AUTS2: variants seen among roughly 807,000 people sequenced by gnomAD.
AUTS2 encodes the protein activator of transcription and developmental regulator AUTS2.
In AUTS2, 17 loss-of-function variants were observed where a neutral mutation model predicts 112.4. That is an observed-to-expected ratio of 0.15 (90% CI 0.10 to 0.23). The LOEUF is 0.23. AUTS2 is among the 10% of genes least tolerant of loss of function. The pLI, the probability that AUTS2 is intolerant of heterozygous loss-of-function variation, is 1.00. For synonymous variants in AUTS2, 751 were observed against 702.7 expected, an observed-to-expected ratio of 1.07 and a Z score of -1.09; for missense variants, 1,510 against 1,701.6, an observed-to-expected ratio of 0.89 and a Z score of 1.98.
chr7:70,082,664 C>T (rs1325568887), intron 2 of AUTS2, among the ~76,000 whole-genome samples: 2 of 152,194 alleles, frequency 1.3e-5, no homozygotes, highest in African/African-American at 4.8e-5. Context: ...AATATCTCCT[C>T]GCCTTTTATG....
At chr7:69,825,035 T>TA (rs2129526796) in intron 1 of AUTS2, among the ~76,000 whole-genome samples, 1 of 152,352 alleles carries the variant, frequency 6.6e-6, no homozygotes, top group East Asian at 1.9e-4. Flanking sequence ...ACATTTTTGC[T>TA]AACATATTTC....
At chr7:70,665,434 T>TC (rs1807284088) in intron 5 of AUTS2, among the ~76,000 whole-genome samples, 1 of 144,062 alleles carries the variant, frequency 6.9e-6, no homozygotes. Flanking sequence ...CAGCTGTTTA[T>TC]TTATTTATCT....
At chr7:70,708,658 G>T (rs1385593120) in intron 6 of AUTS2, among the ~76,000 whole-genome samples, 1 of 151,860 alleles carries the variant, frequency 6.6e-6, no homozygotes, top group Non-Finnish European at 1.5e-5. Flanking sequence ...CGAAGGGTCA[G>T]CAGACCAAAA....
chr7:70,435,741 T>G lies in AUTS2; in HGVS notation c.661-11T>G. On this transcript the variant is annotated splice_polypyrimidine_tract_variant and intron_variant, in intron 4 of 18. Transcript: ENST00000342771. ...TTGCACTAACCCTTATTCTCTTGTC[T>G]TCATTTTCAGTGTGACAGTGACAGT... 1 of 1,614,072 alleles carries G rather than the reference T, an allele frequency of 6.2e-7. No homozygotes were observed. Among genetic ancestry groups the G allele is most frequent in the East Asian group, 2.2e-5 (1 of 44,874 alleles).
At chr7:70,759,375 C>A (rs904805513) in intron 6 of AUTS2, among the ~76,000 whole-genome samples, 1 of 152,210 alleles carries the variant, frequency 6.6e-6, no homozygotes, top group Admixed American at 6.5e-5. Flanking sequence ...GTGATCCTCA[C>A]ATCAGCAGCC....
At chr7:69,894,701 C>A (rs1288050618) in intron 1 of AUTS2, among the ~76,000 whole-genome samples, 2 of 152,068 alleles carry the variant, frequency 1.3e-5, no homozygotes, top group Admixed American at 6.6e-5. Flanking sequence ...TCAGGTGTTT[C>A]TGGTGATAAT....
intron 4 of AUTS2, among the ~76,000 whole-genome samples, chr7:70,147,982 T>A (rs12698858): frequency 0.21 from 31,512 of 151,932 alleles, 3,206 homozygotes; most frequent in Middle Eastern, 0.32. Flanking sequence ...TCTTTCCATC[T>A]ATGTGGCTGG....
intron 1 of AUTS2, among the ~76,000 whole-genome samples, chr7:69,764,614 C>T (rs1370098471): frequency 6.6e-6 from 1 of 152,012 alleles, no homozygotes; most frequent in Non-Finnish European, 1.5e-5. Context: ...GAAGTAGTAC[C>T]TTGGCATTCT....
intron 4 of AUTS2, among the ~76,000 whole-genome samples, chr7:70,367,904 A>T (rs1015041703): frequency 2.0e-5 from 3 of 152,222 alleles, no homozygotes; most frequent in African/African-American, 7.2e-5. Context: ...ATCATTCGAA[A>T]AGAATGAAAT....
chr7:70,737,806 C>T (rs544107068), intron 6 of AUTS2, among the ~76,000 whole-genome samples: 33 of 152,228 alleles, frequency 2.2e-4, no homozygotes, highest in African/African-American at 7.7e-4. Flanking sequence ...AGCCCTTGGG[C>T]TTCATAGGTA....
chr7:69,969,585 ATC>A (rs1227858626), intron 2 of AUTS2, among the ~76,000 whole-genome samples: 1 of 152,212 alleles, frequency 6.6e-6, no homozygotes, highest in African/African-American at 2.4e-5. Flanking sequence ...TCCAAAACTC[ATC>A]AAGATGGATT....
At chr7:69,817,232 T>A (rs1032720253) in intron 1 of AUTS2, among the ~76,000 whole-genome samples, 1 of 152,184 alleles carries the variant, frequency 6.6e-6, no homozygotes, top group South Asian at 2.1e-4. Context: ...TGCTAAGATA[T>A]AAGCAGGATG....
At chr7:69,910,533 T>C (rs1795310536) in intron 2 of AUTS2, among the ~76,000 whole-genome samples, 1 of 152,224 alleles carries the variant, frequency 6.6e-6, no homozygotes. Context: ...CTCACAATCA[T>C]GGCAGAAGGC....
chr7:70,469,362 C>T (rs1797289647), intron 5 of AUTS2, among the ~76,000 whole-genome samples: 2 of 151,792 alleles, frequency 1.3e-5, no homozygotes, highest in Non-Finnish European at 2.9e-5. Context: ...AAGGAAGGGC[C>T]CAAATAAAGA....
At chr7:70,691,841 C>A (rs1808768993) in intron 5 of AUTS2, among the ~76,000 whole-genome samples, 1 of 149,952 alleles carries the variant, frequency 6.7e-6, no homozygotes, top group Admixed American at 6.6e-5. Flanking sequence ...AGGCCGTCAT[C>A]TGAGGCCTAA....
intron 4 of AUTS2, among the ~76,000 whole-genome samples, chr7:70,326,541 G>A (rs1790495298): frequency 6.6e-6 from 1 of 152,190 alleles, no homozygotes; most frequent in Non-Finnish European, 1.5e-5. Flanking sequence ...CTGGAGCCCA[G>A]CTGACTTGGG....
At chr7:70,374,415 C>A (rs1438635972) in intron 4 of AUTS2, among the ~76,000 whole-genome samples, 1 of 152,130 alleles carries the variant, frequency 6.6e-6, no homozygotes, top group Non-Finnish European at 1.5e-5. Context: ...CTTAAGACTT[C>A]ATGTAATCAG....
intron 6 of AUTS2, among the ~76,000 whole-genome samples, chr7:70,746,624 C>A (rs528591795): frequency 6.6e-6 from 1 of 152,156 alleles, no homozygotes; most frequent in South Asian, 2.1e-4. Flanking sequence ...AGGGGTTAAC[C>A]GTGAGGCTGA....
chr7:70,269,002 C>T (rs1034325108), intron 4 of AUTS2, among the ~76,000 whole-genome samples: 1 of 152,158 alleles, frequency 6.6e-6, no homozygotes, highest in Non-Finnish European at 1.5e-5. Context: ...AAACCTTAAT[C>T]GTCTCCTCTC....
Sources: gnomAD v4.1 joint callset for allele counts (sites outside exome capture counted in the v4.1 genomes callset) on GRCh38, gnomAD v4.1.1 for gene constraint, MANE v1.5 for transcripts, NCBI Gene and HGNC (gene_info 2026-07-23, HGNC 2026-07-21) for gene names.